The following INPP5F variants were observed in gnomAD, a reference collection of about 807,000 sequenced individuals.
INPP5F encodes the protein phosphatidylinositide 4-phosphatase SAC2.
INPP5F carries 97 observed loss-of-function variants against 137.2 expected under a neutral mutation model. The observed-to-expected ratio is 0.71, with a 90% CI of 0.60 to 0.84. The LOEUF (loss-of-function observed/expected upper bound fraction) is 0.84, where lower values mean the gene tolerates loss of function less well. Among genes scored for constraint, INPP5F ranks in the 40% least tolerant of loss-of-function variants. INPP5F has a pLI of 0.00. For synonymous variants in INPP5F, 504 were observed against 476.9 expected (o/e 1.06, Z -0.74); for missense variants, 1,271 against 1,371.9 (o/e 0.93, Z 1.16).
chr10:119,764,742 T>G (rs1195648001), intron 2 of INPP5F, among the ~76,000 whole-genome samples: 1 of 151,076 alleles, frequency 6.6e-6, no homozygotes, highest in Non-Finnish European at 1.5e-5. Context: ...CCACCATGCC[T>G]GGCTAATTTT....
chr10:119,810,925 A>G (rs1447012630), intron 14 of INPP5F, among the ~76,000 whole-genome samples: 2 of 152,220 alleles, frequency 1.3e-5, no homozygotes, highest in East Asian at 1.9e-4. Context: ...ACATCAGACT[A>G]GTAGGGCCTA....
intron 9 of INPP5F, among the ~76,000 whole-genome samples, chr10:119,800,247 C>G (rs1473402523): frequency 6.6e-6 from 1 of 151,964 alleles, no homozygotes; most frequent in Non-Finnish European, 1.5e-5. Context: ...ACAAAGGTCT[C>G]ATATCTAGAG....
chr10:119,794,523 T>G, intron 6 of INPP5F, among the ~76,000 whole-genome samples: 1 of 152,044 alleles, frequency 6.6e-6, no homozygotes, highest in East Asian at 2.0e-4. Context: ...CCGTTCTCAA[T>G]GAGCTGTTGG....
At chr10:119,792,942 G>A (rs1286474023) in intron 6 of INPP5F, among the ~76,000 whole-genome samples, 3 of 151,982 alleles carry the variant, frequency 2.0e-5, no homozygotes, top group Non-Finnish European at 4.4e-5. Flanking sequence ...CCCTTTAGTG[G>A]TGGTTAGTAT....
chr10:119,775,819 C>T (rs112696397), intron 2 of INPP5F, among the ~76,000 whole-genome samples: 109 of 152,224 alleles, frequency 7.2e-4, no homozygotes, highest in African/African-American at 2.3e-3. Flanking sequence ...AAAATCCTAT[C>T]GGCCAGTTGC....
At chr10:119,736,076 GCTTTGAT>G (rs1848208228) in intron 1 of INPP5F, among the ~76,000 whole-genome samples, 1 of 152,208 alleles carries the variant, frequency 6.6e-6, no homozygotes, top group Non-Finnish European at 1.5e-5. Context: ...GCTCATCTGT[GCTTTGAT>G]TTAGCTCTCA....
chr10:119,826,195 T>C (rs1247485087), intron 19 of INPP5F, among the ~76,000 whole-genome samples: 1 of 152,254 alleles, frequency 6.6e-6, no homozygotes, highest in Non-Finnish European at 1.5e-5. Context: ...AGACCCGCAC[T>C]GCTCACAATG....
chr10:119,757,698 T>G (rs1349959030), intron 2 of INPP5F, among the ~76,000 whole-genome samples: 1 of 151,732 alleles, frequency 6.6e-6, no homozygotes. Flanking sequence ...GGCTGAGGCA[T>G]GAGAATTGCT....
At chr10:119,784,684 TA>T (rs1427180426) in intron 3 of INPP5F, among the ~76,000 whole-genome samples, 1 of 152,122 alleles carries the variant, frequency 6.6e-6, no homozygotes, top group Non-Finnish European at 1.5e-5. Context: ...GTTTGCCAGT[TA>T]AAAAAAATTC....
At chr10:119,773,513 C>G (rs555887770) in intron 2 of INPP5F, among the ~76,000 whole-genome samples, 1 of 152,192 alleles carries the variant, frequency 6.6e-6, no homozygotes, top group African/African-American at 2.4e-5. Context: ...TTCCCACTAT[C>G]CCCCGTTTCG....
chr10:119,804,183 A>G lies in INPP5F; in HGVS notation c.1127A>G (p.Asn376Ser). The change falls in exon 10 of 20, where the codon AAC (asparagine) becomes AGC (serine). Residue 376 changes from asparagine to serine, a missense_variant. Coordinates refer to ENST00000650623, the MANE Select transcript of INPP5F (RefSeq NM_014937.4). Reference protein sequence around the residue: ...LNIYKKQVIINLVDQAGREKI... With the variant: ...LNIYKKQVIISLVDQAGREKI... ...TCTTTGCTCTTATAGGTTATTATTA[A>G]CTTGGTAGACCAGGCAGGAAGAGAG... 1 of 1,607,186 alleles carries G rather than the reference A, an allele frequency of 6.2e-7. No homozygotes were observed. Among genetic ancestry groups the G allele is most frequent in the Non-Finnish European group, 8.5e-7 (1 of 1,176,126 alleles).
chr10:119,752,938 C>CT (rs1037615059), intron 2 of INPP5F, among the ~76,000 whole-genome samples: 6 of 146,736 alleles, frequency 4.1e-5, no homozygotes, highest in Admixed American at 6.8e-5. Context: ...TGAGTTGTTT[C>CT]TTTTTTTTTC....
At chr10:119,775,503 G>A (rs1849494092) in intron 2 of INPP5F, among the ~76,000 whole-genome samples, 1 of 152,142 alleles carries the variant, frequency 6.6e-6, no homozygotes, top group Non-Finnish European at 1.5e-5. Context: ...GGGCTGAAGT[G>A]ATCCACCTGC....
Position 119,810,612 on chromosome 10 carries a change from T to C in INPP5F, c.1687+395T>C, listed in dbSNP as rs558231637. On this transcript the variant is annotated intron_variant, in intron 14 of 19. Transcript: ENST00000650623. ...TTCCTGTATATTATTTGTTCTGTGTTCTTGCTGTGGACAAATATACCAGCC... is the reference window on the plus strand; with the variant it reads ...TTCCTGTATATTATTTGTTCTGTGTCCTTGCTGTGGACAAATATACCAGCC... 2.0e-5 allele frequency among the ~76,000 whole-genome samples: 3 copies of C among 152,338 alleles called. No individual in the cohort carries two copies. The East Asian group carries it at 5.8e-4, about 29-fold the overall frequency.
chr10:119,726,078 C>A lies in INPP5F; in HGVS notation c.-185C>A, dbSNP rs965899140. The A allele has an allele frequency of 4.8e-5, 18 of 372,212 alleles. No individual in the cohort carries two copies. The highest frequency in any genetic ancestry group is 8.5e-5 in the Non-Finnish European group (18 of 210,662). The allele number at this position is 372,212 out of a possible 1,614,324, so 23.1% of individuals were successfully genotyped here. On this transcript the variant is annotated 5_prime_UTR_variant, in exon 1 of 20. Coordinates refer to ENST00000650623, the MANE Select transcript of INPP5F (RefSeq NM_014937.4). ...AGGCCTCTACGGCCGCCGCTGCCGC[C>A]GCCGCTGCCGGGGCGCGTTCTCCTC...
rs544685597 is a variant in INPP5F at position 119,817,469 on chromosome 10, G to C, written c.1887-3377G>C. ...ATGTATTTCAGTACATTCCAGTTTG[G>C]AGGGTTCCAATATCTCCAATCTTTG... On this transcript the variant is annotated intron_variant, in intron 15 of 19. Coordinates refer to ENST00000650623, the MANE Select transcript of INPP5F (RefSeq NM_014937.4). Among the ~76,000 whole-genome samples, 3 of 152,338 alleles carry C rather than the reference G, an allele frequency of 2.0e-5. No individual in the cohort carries two copies. The East Asian group carries it at 5.8e-4, about 29-fold the overall frequency.
chr10:119,738,604 G>A (rs1406381522), intron 1 of INPP5F, among the ~76,000 whole-genome samples: 2 of 151,578 alleles, frequency 1.3e-5, no homozygotes, highest in Admixed American at 1.3e-4. Flanking sequence ...ACTCTTTAAT[G>A]CCAACTTGTT....
At chr10:119,758,182 G>C (rs1408717472) in intron 2 of INPP5F, among the ~76,000 whole-genome samples, 1 of 152,192 alleles carries the variant, frequency 6.6e-6, no homozygotes, top group African/African-American at 2.4e-5. Context: ...GACAAGTGTG[G>C]GGTGCTGTGG....
At position 119,823,879 on chromosome 10, in the gene INPP5F, C is replaced by T. The variant is rs752297415; in HGVS notation, c.2226C>T (p.Pro742=). 1 of 1,613,578 alleles carries T rather than the reference C, an allele frequency of 6.2e-7. No homozygotes were observed. Among genetic ancestry groups the T allele is most frequent in the Non-Finnish European group, 8.5e-7 (1 of 1,179,640 alleles). The change falls in exon 19 of 20, where the codon CCC becomes CCT. Residue 742 remains proline, a synonymous_variant. Transcript: ENST00000650623. ...ITKQAMGSDL[P]IIEKKLERKS... ...AGCAAGCCATGGGATCGGATTTACC[C>T]ATAATTGAGAAGAAACTTGAGAGGT...
Sources: gnomAD v4.1 joint callset for allele counts (sites outside exome capture counted in the v4.1 genomes callset) on GRCh38, gnomAD v4.1.1 for gene constraint, MANE v1.5 for transcripts, NCBI Gene and HGNC (gene_info 2026-07-23, HGNC 2026-07-21) for gene names.